P2RY12: variants seen among roughly 807,000 people sequenced by gnomAD.
The protein encoded by P2RY12 is purinergic receptor P2Y12.
In P2RY12, 3 loss-of-function variants were observed where a neutral mutation model predicts 4.5. The observed-to-expected ratio is 0.67, with a 90% CI of 0.31 to 1.74. The LOEUF is 1.74. Among genes scored for constraint, P2RY12 ranks in the 40% most tolerant of loss-of-function variants. The pLI is 0.09. For missense variants in P2RY12, 356 were observed against 407.8 expected (o/e 0.87, Z 1.09); for synonymous variants, 148 against 154.1 (o/e 0.96, Z 0.29).
At chr3:151,359,663 C>T (rs1325604881) in intron 1 of P2RY12, among the ~76,000 whole-genome samples, 1 of 152,134 alleles carries the variant, frequency 6.6e-6, no homozygotes, top group Admixed American at 6.6e-5. Flanking sequence ...CTCCTTTATA[C>T]AATAAGGATG....
At chr3:151,366,644 C>G (rs747950315) in intron 1 of P2RY12, among the ~76,000 whole-genome samples, 6 of 152,126 alleles carry the variant, frequency 3.9e-5, no homozygotes, top group African/African-American at 7.2e-5. Context: ...ACACTAGTAT[C>G]TCTTATGCAT....
intron 1 of P2RY12, chr3:151,357,390 ATGTCAT>A: frequency 6.4e-7 from 1 of 1,552,268 alleles, no homozygotes; most frequent in South Asian, 1.2e-5. Flanking sequence ...GGTATATAGC[ATGTCAT>A]TGTTGTTTTT....
At chr3:151,380,480 C>T (rs1460845858) in intron 1 of P2RY12, among the ~76,000 whole-genome samples, 2 of 151,760 alleles carry the variant, frequency 1.3e-5, no homozygotes, top group Non-Finnish European at 2.9e-5. Flanking sequence ...GCCTATGATC[C>T]CAGCTACTCG....
chr3:151,383,237 G>A (rs1386931879), intron 1 of P2RY12, among the ~76,000 whole-genome samples: 1 of 152,154 alleles, frequency 6.6e-6, no homozygotes, highest in Admixed American at 6.5e-5. Context: ...CCCAAGTGCA[G>A]GCCCCTCTGG....
intron 1 of P2RY12, chr3:151,357,461 A>C: frequency 1.7e-6 from 2 of 1,211,382 alleles, no homozygotes; most frequent in Non-Finnish European, 2.2e-6. Context: ...TTAAAAGAAA[A>C]ATAGTACTGA....
At chr3:151,369,053 A>G (rs539457365) in intron 1 of P2RY12, among the ~76,000 whole-genome samples, 12 of 151,968 alleles carry the variant, frequency 7.9e-5, no homozygotes, top group Non-Finnish European at 1.5e-4. Flanking sequence ...GAGCCACCGC[A>G]CCCATCCCTC....
Position 151,337,491 on chromosome 3 carries a change from T to C in P2RY12, c.*326A>G. The C allele has an allele frequency of 4.0e-6, 1 of 247,444 alleles. No individual in the cohort carries two copies. Among genetic ancestry groups the C allele is most frequent in the Non-Finnish European group, 7.9e-6 (1 of 126,666 alleles). The allele number at this position is 247,444 out of a possible 1,614,324, so 15.3% of individuals were successfully genotyped here. ...ATAAAATTGTGAACGATAATGTATT[T>C]TAAAAATTACAGTAAATATTATATG... is the stretch of plus-strand genomic sequence containing the variant. On this transcript the variant is annotated 3_prime_UTR_variant, in exon 3 of 3. Coordinates refer to ENST00000302632, the MANE Select transcript of P2RY12 (RefSeq NM_022788.5).
chr3:151,377,933 C>A (rs375916407), intron 1 of P2RY12: 1 of 1,369,406 alleles, frequency 7.3e-7, no homozygotes, highest in African/African-American at 1.5e-5. Context: ...ATCAAAGTTT[C>A]GCTTTGGAGT....
At chr3:151,345,797 G>T (rs1242086076) in intron 1 of P2RY12, among the ~76,000 whole-genome samples, 2 of 152,068 alleles carry the variant, frequency 1.3e-5, no homozygotes, top group Non-Finnish European at 2.9e-5. Flanking sequence ...GATTATAGAT[G>T]TGAGCCACCA....
At chr3:151,377,046 C>T (rs1756939874) in intron 1 of P2RY12, 1 of 1,613,964 alleles carries the variant, frequency 6.2e-7, no homozygotes, top group African/African-American at 1.3e-5. Context: ...GCAAAGGCAA[C>T]AATAGAGGTA....
chr3:151,355,326 A>C (rs1753774924), intron 1 of P2RY12: 4 of 818,116 alleles, frequency 4.9e-6, no homozygotes, highest in Non-Finnish European at 8.1e-6. Context: ...TCTCAACCTT[A>C]ATGGTTTTAG....
chr3:151,374,215 G>A (rs1477301364), intron 1 of P2RY12, among the ~76,000 whole-genome samples: 5 of 139,704 alleles, frequency 3.6e-5, no homozygotes, highest in Admixed American at 7.1e-5. Flanking sequence ...GCTATCCAGC[G>A]CTTTGTCAAA....
chr3:151,384,029 A>T, intron 1 of P2RY12: 1 of 1,559,308 alleles, frequency 6.4e-7, no homozygotes, highest in Non-Finnish European at 8.8e-7. Context: ...TACTCAGTTA[A>T]ATAAGTGTAT....
chr3:151,360,666 T>C, intron 1 of P2RY12: 1 of 1,444,704 alleles, frequency 6.9e-7, no homozygotes, highest in Non-Finnish European at 9.5e-7. Context: ...TTAGTGACCC[T>C]GACAATATTG....
At chr3:151,366,100 A>G in intron 1 of P2RY12, 1 of 981,350 alleles carries the variant, frequency 1.0e-6, no homozygotes, top group East Asian at 2.7e-5. Context: ...GAAATGTTAT[A>G]AAATATTTTT....
intron 1 of P2RY12, 136 bp downstream of exon 1, chr3:151,384,556 T>A (rs1387865517): frequency 5.0e-6 from 1 of 202,020 alleles, no homozygotes; most frequent in Non-Finnish European, 9.9e-6. Flanking sequence ...AAAATAGCCA[T>A]CTGCATTGAA....
At chr3:151,379,083 A>G (rs1282531573) in intron 1 of P2RY12, among the ~76,000 whole-genome samples, 1 of 152,220 alleles carries the variant, frequency 6.6e-6, no homozygotes, top group Non-Finnish European at 1.5e-5. Flanking sequence ...GCTCTTAACT[A>G]CAGTACATTT....
intron 1 of P2RY12, among the ~76,000 whole-genome samples, chr3:151,375,625 G>A (rs992925891): frequency 8.9e-4 from 135 of 152,152 alleles, no homozygotes; most frequent in African/African-American, 2.8e-3. Context: ...ATACTATGTT[G>A]TATCTAGTCA....
intron 1 of P2RY12, chr3:151,372,755 A>C: frequency 6.2e-7 from 1 of 1,612,744 alleles, no homozygotes; most frequent in South Asian, 1.1e-5. Context: ...ACTGAGGACT[A>C]TCTGTCAACA....
Sources: gnomAD v4.1 joint callset for allele counts (sites outside exome capture counted in the v4.1 genomes callset) on GRCh38, gnomAD v4.1.1 for gene constraint, MANE v1.5 for transcripts, NCBI Gene and HGNC (gene_info 2026-07-23, HGNC 2026-07-21) for gene names.